The following GSDME variants were observed in gnomAD, a reference collection of about 807,000 sequenced individuals.
GSDME encodes gasdermin E, also known as gasdermin-E.
A neutral mutation model predicts 47.5 loss-of-function variants in GSDME; 44 were observed. The ratio of observed to expected loss-of-function variants is 0.93; its 90% CI spans 0.73 to 1.19. The LOEUF (loss-of-function observed/expected upper bound fraction) is 1.19, where lower values mean the gene tolerates loss of function less well. GSDME is among the 50% of genes most tolerant of loss of function. The pLI is 0.00. For synonymous variants in GSDME, 258 were observed against 252.8 expected (o/e 1.02, Z -0.20); for missense variants, 663 against 604.2 (o/e 1.10, Z -1.02).
At chr7:24,763,506 C>T in the GSDME span, among the ~76,000 whole-genome samples, 4 of 151,926 alleles carry the variant, frequency 2.6e-5, no homozygotes, top group African/African-American at 9.7e-5. This position sits in a 1 kb window ranked among gnomAD's most constrained non-coding sequence, Gnocchi z 4.3. Context: ...CATGGATATG[C>T]TGGACAAGGG....
In GSDME at chr7:24,733,696, G is replaced by A. The variant is rs1790215227; in HGVS notation, c.404+10866C>T. Among the ~76,000 whole-genome samples, 1 of 152,092 alleles carries A rather than the reference G, an allele frequency of 6.6e-6. No homozygotes were observed. Among genetic ancestry groups the A allele is most frequent in the South Asian group, 2.1e-4 (1 of 4,820 alleles). On this transcript the variant is annotated intron_variant, in intron 3 of 9. Transcript: ENST00000645220. This position sits in a 1 kb window ranked among gnomAD's most constrained non-coding sequence, Gnocchi z 4.3. ...GACATGGGTGAGAGTCCTCTGCCTGGGGAAAGGAGAGGGAAGAGTGAAGGG... is the reference window on the plus strand; with the variant it reads ...GACATGGGTGAGAGTCCTCTGCCTGAGGAAAGGAGAGGGAAGAGTGAAGGG...
At chr7:24,778,663 T>A in the GSDME span, among the ~76,000 whole-genome samples, 6 of 152,038 alleles carry the variant, frequency 3.9e-5, no homozygotes, top group Non-Finnish European at 8.8e-5. The surrounding 1 kb of genome is among the most constrained non-coding windows in gnomAD (Gnocchi z 5.6). Context: ...CCAGCTTCCA[T>A]CCTTATGCCC....
In GSDME at chr7:24,702,890, G is replaced by C. The variant is rs183895487; in HGVS notation, c.1184-57C>G. On this transcript the variant is annotated intron_variant, in intron 8 of 9. Coordinates refer to ENST00000645220, the MANE Select transcript of GSDME (RefSeq NM_001127453.2). The stretch of plus-strand genomic sequence containing the variant: ...AAAAAAACAAGTCCATGGGAACAGA[G>C]CCAGCCCCTGGATGGCACCTAACTT... The C allele has an allele frequency of 5.4e-6, 8 of 1,473,412 alleles. No homozygotes were observed. The African/African-American group carries it at 8.3e-5, about 15-fold the overall frequency. 91.3% of individuals were successfully genotyped at this position (1,473,412 alleles called of 1,614,324 possible).
intron 3 of GSDME, among the ~76,000 whole-genome samples, chr7:24,722,216 G>C (rs529766708): frequency 3.0e-4 from 46 of 152,134 alleles, no homozygotes; most frequent in Non-Finnish European, 6.0e-4. Flanking sequence ...AACTTGTGAG[G>C]TTTTTTCCTC....
chr7:24,778,083 G>C, the GSDME span, among the ~76,000 whole-genome samples: 1 of 144,822 alleles, frequency 6.9e-6, no homozygotes. The surrounding 1 kb of genome is among the most constrained non-coding windows in gnomAD (Gnocchi z 5.6). Context: ...AATGGTGGGG[G>C]AGGGAGAGAG....
Position 24,726,364 on chromosome 7 carries a change from G to C in GSDME, c.405-7146C>G, listed in dbSNP as rs1384299989. On this transcript the variant is annotated intron_variant, in intron 3 of 9. Transcript: ENST00000645220. The surrounding 1 kb of genome is among the most constrained non-coding windows in gnomAD (Gnocchi z 5.6). Reference sequence around the variant, plus strand: ...GGATGCCTCCTGCAGAGACACAGGAGGGCGAGCTTTGTCATGCAGACCCCA... The same window carrying C: ...GGATGCCTCCTGCAGAGACACAGGACGGCGAGCTTTGTCATGCAGACCCCA... 1.3e-5 allele frequency among the ~76,000 whole-genome samples: 2 copies of C among 152,178 alleles called. No individual in the cohort carries two copies. The highest frequency in any genetic ancestry group is 2.1e-4 in the South Asian group (1 of 4,828).
intron 4 of GSDME, 129 bp downstream of exon 4, chr7:24,718,918 G>T (rs1044243920): frequency 2.9e-6 from 3 of 1,042,716 alleles, no homozygotes; most frequent in Non-Finnish European, 4.4e-6. Context: ...TTAAGACAAC[G>T]TGAGTTGGGT....
At chr7:24,700,887 A>G (rs1235508179) in intron 9 of GSDME, among the ~76,000 whole-genome samples, 2 of 152,220 alleles carry the variant, frequency 1.3e-5, no homozygotes, top group African/African-American at 4.8e-5. Context: ...GCTGTGCAGC[A>G]TTCGGCTTTC....
chr7:24,795,114 A>T, the GSDME span, among the ~76,000 whole-genome samples: 1 of 152,172 alleles, frequency 6.6e-6, no homozygotes, highest in Admixed American at 6.5e-5. Context: ...CTGGACTCCA[A>T]GCGCCGATTC....
intron 3 of GSDME, among the ~76,000 whole-genome samples, chr7:24,738,554 A>G (rs528550650): frequency 6.6e-6 from 1 of 152,330 alleles, no homozygotes; most frequent in East Asian, 1.9e-4. Flanking sequence ...ACTCAAAGTA[A>G]TCTATACTTT....
At position 24,698,906 on chromosome 7, in the gene GSDME, C is replaced by CACTTCTTAA. The variant is rs1788743049; in HGVS notation, c.*111_*119dup. The CACTTCTTAA allele has an allele frequency of 1.3e-6, 1 of 790,160 alleles. No individual in the cohort carries two copies. The highest frequency in any genetic ancestry group is 2.2e-6 in the Non-Finnish European group (1 of 458,642). The allele number at this position is 790,160 out of a possible 1,614,324, so 48.9% of individuals were successfully genotyped here. A position where few individuals can be genotyped will look rare whatever the true frequency, so the allele number is the denominator to read the frequency against. ...GGTCATTCATCATGCAAAATGTCAC[C>CACTTCTTAA]ACTTCTTAAACTGTTCTGTAAATTC... On this transcript the variant is annotated 3_prime_UTR_variant, in exon 10 of 10. Coordinates refer to ENST00000645220, the MANE Select transcript of GSDME (RefSeq NM_001127453.2).
rs767177221 is a variant in GSDME, at chr7:24,710,278, C to G, written c.808G>C (p.Asp270His). Residue 270 changes from aspartate to histidine, a missense_variant, in exon 6 of 10, where the codon GAT (aspartate) becomes CAT (histidine). Transcript: ENST00000645220. ...TGGGAAGATATCCCATGCGCAGCATCTGGCATGTCTATGAATGCAAACTCT... is the reference window on the plus strand; with the variant it reads ...TGGGAAGATATCCCATGCGCAGCATGTGGCATGTCTATGAATGCAAACTCT... ...FREFAFIDMP[D>H]AAHGISSQDG... is the part of the protein sequence containing the mutation. 3.7e-6 allele frequency: 6 copies of G among 1,614,138 alleles called. No homozygotes were observed. In the South Asian group the frequency reaches 5.5e-5, roughly 15 times the overall value.
chr7:24,698,950 TA>T lies in GSDME; in HGVS notation c.*75del. 1.0e-6 allele frequency: 1 copy of T among 987,986 alleles called. No homozygotes were observed. Among genetic ancestry groups the T allele is most frequent in the Non-Finnish European group, 1.6e-6 (1 of 629,460 alleles). The allele number at this position is 987,986 out of a possible 1,614,324, so 61.2% of individuals were successfully genotyped here. On this transcript the variant is annotated 3_prime_UTR_variant, in exon 10 of 10. Coordinates refer to ENST00000645220, the MANE Select transcript of GSDME (RefSeq NM_001127453.2). ...TAAATTCATTTCATTGGTCAACTTT[TA>T]ACGTGCATATGACCTTTAACAGTTC... is the stretch of plus-strand genomic sequence containing the variant.
At chr7:24,708,906 T>G (rs554484953) in intron 6 of GSDME, among the ~76,000 whole-genome samples, 17 of 152,102 alleles carry the variant, frequency 1.1e-4, no homozygotes, top group Non-Finnish European at 2.1e-4. Flanking sequence ...TTTTTGGTTT[T>G]TTTGTTTGTT....
upstream of GSDME, among the ~76,000 whole-genome samples, chr7:24,762,008 C>A (rs1162426838): frequency 1.3e-5 from 2 of 152,072 alleles, no homozygotes; most frequent in African/African-American, 4.8e-5. Flanking sequence ...ATTCCCAACA[C>A]TTTGAGAGGC....
rs528399405 is a variant in GSDME at position 24,708,393 on chromosome 7, C to A, written c.863-139G>T. The A allele has an allele frequency of 1.8e-5, 18 of 1,023,150 alleles. No homozygotes were observed. In the East Asian group the frequency reaches 4.5e-4, roughly 25 times the overall value. 63.4% of individuals were successfully genotyped at this position (1,023,150 alleles called of 1,614,324 possible). On this transcript the variant is annotated intron_variant, in intron 6 of 9. Coordinates refer to ENST00000645220, the MANE Select transcript of GSDME (RefSeq NM_001127453.2). The stretch of plus-strand genomic sequence containing the variant: ...CAGCTGCATAGTCAGTCATGGAACT[C>A]AGAAATAAACATCAAGTTACAAGCC...
chr7:24,772,201 C>T, the GSDME span, among the ~76,000 whole-genome samples: 16 of 152,328 alleles, frequency 1.1e-4, no homozygotes, highest in East Asian at 2.7e-3. The surrounding 1 kb of genome is among the most constrained non-coding windows in gnomAD (Gnocchi z 4.5). Flanking sequence ...CTCAGAAGTG[C>T]TGAGTGCCTT....
At chr7:24,767,575 C>T in the GSDME span, among the ~76,000 whole-genome samples, 1 of 151,414 alleles carries the variant, frequency 6.6e-6, no homozygotes, top group Non-Finnish European at 1.5e-5. The surrounding 1 kb of genome is among the most constrained non-coding windows in gnomAD (Gnocchi z 5.3). Flanking sequence ...AGTTGGGTAG[C>T]ATGGCTTTGG....
chr7:24,708,780 TTC>T (rs1272766165), intron 6 of GSDME, among the ~76,000 whole-genome samples: 8 of 152,358 alleles, frequency 5.3e-5, no homozygotes, highest in Non-Finnish European at 5.9e-5. Context: ...CAGCTATTCT[TTC>T]TCTATCCTTT....
Sources: gnomAD v4.1 joint callset for allele counts (sites outside exome capture counted in the v4.1 genomes callset) on GRCh38, gnomAD v4.1.1 for gene constraint, Gnocchi (gnomAD v3.1) non-coding constraint, MANE v1.5 for transcripts, NCBI Gene and HGNC (gene_info 2026-07-23, HGNC 2026-07-21) for gene names.